FAM174A: variants seen among roughly 807,000 people sequenced by gnomAD.
The protein encoded by FAM174A is membrane protein FAM174A.
A neutral mutation model predicts 14.3 loss-of-function variants in FAM174A; 14 were observed. That is an observed-to-expected ratio of 0.98 (90% CI 0.65 to 1.53). The LOEUF is 1.53. FAM174A is among the 40% of genes most tolerant of loss of function. The pLI is 0.00. For synonymous variants in FAM174A, 108 were observed against 111.4 expected (o/e 0.97, Z 0.19); for missense variants, 241 against 249.6 (o/e 0.97, Z 0.23).
At chr5:100,560,234 G>GT (rs920266184) in intron 1 of FAM174A, among the ~76,000 whole-genome samples, 3 of 152,178 alleles carry the variant, frequency 2.0e-5, no homozygotes, top group African/African-American at 7.2e-5. Context: ...GTTTGCCTGG[G>GT]TTTTTTATAG....
intron 1 of FAM174A, among the ~76,000 whole-genome samples, chr5:100,546,716 T>G (rs1047166738): frequency 8.5e-5 from 13 of 152,186 alleles, no homozygotes; most frequent in African/African-American, 3.1e-4. Context: ...TTATATGCAC[T>G]ATACCAGATA....
At chr5:100,538,020 G>A (rs1745972517) in intron 1 of FAM174A, among the ~76,000 whole-genome samples, 1 of 152,124 alleles carries the variant, frequency 6.6e-6, no homozygotes, top group African/African-American at 2.4e-5. Context: ...AACATGATGT[G>A]TGTTAACAGC....
chr5:100,584,956 G>A (rs1747098221), intron 2 of FAM174A, among the ~76,000 whole-genome samples: 1 of 152,006 alleles, frequency 6.6e-6, no homozygotes, highest in South Asian at 2.1e-4. Context: ...ATTTTGTATG[G>A]GTGTCATCAT....
At chr5:100,572,664 G>A (rs984548974) in intron 2 of FAM174A, among the ~76,000 whole-genome samples, 14 of 151,980 alleles carry the variant, frequency 9.2e-5, no homozygotes, top group Admixed American at 5.9e-4. Flanking sequence ...TTGGACATTT[G>A]GGTTGATTCC....
At chr5:100,559,033 C>T (rs956463157) in intron 1 of FAM174A, among the ~76,000 whole-genome samples, 13 of 152,052 alleles carry the variant, frequency 8.5e-5, no homozygotes, top group East Asian at 7.7e-4. Context: ...TTCCTAGCCT[C>T]GAGGGTCTTT....
chr5:100,535,459 C>G lies in FAM174A; in HGVS notation c.-72C>G. On this transcript the variant is annotated 5_prime_UTR_variant, in exon 1 of 3. Transcript: ENST00000312637. ...CACCTCTGCTTCATTCTCCACCGCG[C>G]CTATGGTCCCTCTTGGAGCCAGCGT... The G allele has an allele frequency of 6.5e-7, 1 of 1,540,348 alleles. No homozygotes were observed. Among genetic ancestry groups the G allele is most frequent in the East Asian group, 2.2e-5 (1 of 44,518 alleles).
At chr5:100,540,385 T>C (rs1452296424) in intron 1 of FAM174A, among the ~76,000 whole-genome samples, 1 of 152,154 alleles carries the variant, frequency 6.6e-6, no homozygotes, top group Non-Finnish European at 1.5e-5. Flanking sequence ...ACAAGGAAAG[T>C]CCCTGCATTC....
chr5:100,561,787 T>G (rs1230721614), intron 1 of FAM174A, among the ~76,000 whole-genome samples: 1 of 151,822 alleles, frequency 6.6e-6, no homozygotes, highest in African/African-American at 2.4e-5. Context: ...AATTTAAGGC[T>G]TAAAAGTTAT....
rs370856973 is a variant in FAM174A at position 100,563,807 on chromosome 5, G to GAATAGA, written c.569+1629_569+1634dup. Among the ~76,000 whole-genome samples the GAATAGA allele has an allele frequency of 4.9e-3, 745 of 151,834 alleles. 9 individuals carry two copies. The highest frequency in any genetic ancestry group is 0.017 in the African/African-American group (704 of 41,432). ...CCAAGTGTCTTTTCCAACCTCCATG[G>GAATAGA]AATAGAAATAGAAATCAATAACAGC... is the stretch of plus-strand genomic sequence containing the variant. On this transcript the variant is annotated intron_variant, in intron 2 of 2. Transcript: ENST00000312637.
At chr5:100,566,097 G>A (rs1580373340) in intron 2 of FAM174A, among the ~76,000 whole-genome samples, 1 of 131,332 alleles carries the variant, frequency 7.6e-6, no homozygotes, top group African/African-American at 2.8e-5. Flanking sequence ...TTAGGTGGGG[G>A]CACAGCCAAA....
At chr5:100,562,616 T>TTGTG (rs964745497) in intron 2 of FAM174A, among the ~76,000 whole-genome samples, 2 of 149,908 alleles carry the variant, frequency 1.3e-5, no homozygotes, top group South Asian at 2.1e-4. Context: ...GCGTGTGTGT[T>TTGTG]TGTGTGTGTG....
At chr5:100,581,172 C>T (rs377346499) in intron 2 of FAM174A, among the ~76,000 whole-genome samples, 1 of 152,080 alleles carries the variant, frequency 6.6e-6, no homozygotes, top group Non-Finnish European at 1.5e-5. Flanking sequence ...GCAGGTGATT[C>T]ACTCACCCGG....
intron 2 of FAM174A, among the ~76,000 whole-genome samples, chr5:100,581,803 T>A (rs1398811400): frequency 6.6e-6 from 1 of 152,118 alleles, no homozygotes; most frequent in Non-Finnish European, 1.5e-5. Flanking sequence ...ATACTCTAAA[T>A]GAGAGAGCTG....
chr5:100,563,013 GAAAAGAAGATGACTCAACAAA>G lies in FAM174A; in HGVS notation c.569+828_569+848del, dbSNP rs1746559656. ...AGAAAACAGAAATCTTAGGATTACA[GAAAAGAAGATGACTCAACAAA>G]AATTGGACTACTAAGTCCTGTATAT... On this transcript the variant is annotated intron_variant, in intron 2 of 2. Transcript: ENST00000312637. 2.0e-5 allele frequency among the ~76,000 whole-genome samples: 3 copies of G among 151,768 alleles called. No individual in the cohort carries two copies. In the South Asian group the frequency reaches 6.2e-4, roughly 31 times the overall value.
chr5:100,538,401 GT>G (rs1745981413), intron 1 of FAM174A, among the ~76,000 whole-genome samples: 2 of 151,768 alleles, frequency 1.3e-5, no homozygotes, highest in African/African-American at 4.8e-5. Context: ...AAATAGTTTT[GT>G]TTTTATCTAA....
chr5:100,550,680 A>G (rs1279274148), intron 1 of FAM174A, among the ~76,000 whole-genome samples: 2 of 152,176 alleles, frequency 1.3e-5, no homozygotes, highest in Non-Finnish European at 2.9e-5. Flanking sequence ...AAGGACATGT[A>G]TATAGTTTCA....
Position 100,586,281 on chromosome 5 carries a change from G to T in FAM174A, c.*97G>T. ...GAAGCCACTATATCAATGTTGGGGG[G>T]GTATTTAAGTTACATATATTTTAAC... On this transcript the variant is annotated 3_prime_UTR_variant, in exon 3 of 3. Transcript: ENST00000312637. The T allele has an allele frequency of 5.2e-6, 4 of 769,496 alleles. No individual in the cohort carries two copies. Among genetic ancestry groups the T allele is most frequent in the Admixed American group, 2.8e-5 (1 of 35,952 alleles). The allele number at this position is 769,496 out of a possible 1,614,324, so 47.7% of individuals were successfully genotyped here.
chr5:100,584,057 G>A (rs1473989523), intron 2 of FAM174A, among the ~76,000 whole-genome samples: 1 of 152,296 alleles, frequency 6.6e-6, no homozygotes, highest in African/African-American at 2.4e-5. Context: ...TTAAAAGTCA[G>A]TCCCCTACTA....
At chr5:100,547,009 A>C (rs558438875) in intron 1 of FAM174A, among the ~76,000 whole-genome samples, 10 of 152,124 alleles carry the variant, frequency 6.6e-5, no homozygotes, top group African/African-American at 2.4e-4. Flanking sequence ...TCCTGTGTGC[A>C]TATATATGTG....
Sources: gnomAD v4.1 joint callset for allele counts (sites outside exome capture counted in the v4.1 genomes callset) on GRCh38, gnomAD v4.1.1 for gene constraint, MANE v1.5 for transcripts, NCBI Gene and HGNC (gene_info 2026-07-23, HGNC 2026-07-21) for gene names.